ADCY9: variants seen among roughly 807,000 people sequenced by gnomAD.
ADCY9 encodes the protein adenylate cyclase 9.
In ADCY9, 50 loss-of-function variants were observed where a neutral mutation model predicts 101.5. The ratio of observed to expected loss-of-function variants is 0.49; its 90% CI spans 0.39 to 0.62. ADCY9 has a LOEUF of 0.62. ADCY9 is among the 20% of genes least tolerant of loss of function. The pLI is 0.00. For synonymous variants in ADCY9, 905 were observed against 769.3 expected (o/e 1.18, Z -2.92); for missense variants, 1,662 against 1,800.4 (o/e 0.92, Z 1.39).
In ADCY9 at chr16:4,014,939, CT is replaced by C. The variant is rs578260761; in HGVS notation, c.1694-7382del. On this transcript the variant is annotated intron_variant, in intron 2 of 10. Coordinates refer to ENST00000294016, the MANE Select transcript of ADCY9 (RefSeq NM_001116.4). ...AGTGACCACATTCCCCTGTTTTGGC[CT>C]TTTTTTTTTTTTTTTTTTTGAGACA... Among the ~76,000 whole-genome samples, 9 of 93,232 alleles carry C rather than the reference CT, an allele frequency of 9.7e-5. 1 individual carries two copies. Among genetic ancestry groups the C allele is most frequent in the South Asian group, 4.2e-4 (1 of 2,394 alleles). 61.2% of individuals were successfully genotyped at this position (93,232 alleles called of 152,430 possible).
At chr16:4,019,476 C>T (rs889876777) in intron 2 of ADCY9, among the ~76,000 whole-genome samples, 6 of 152,272 alleles carry the variant, frequency 3.9e-5, no homozygotes, top group Middle Eastern at 6.8e-3. Flanking sequence ...AAAGCAAAAC[C>T]GAGGCAGTGA....
Position 3,965,917 on chromosome 16 carries a change from G to A in ADCY9, c.3920C>T (p.Ser1307Phe), listed in dbSNP as rs752248079. 18 of 1,614,046 alleles carry A rather than the reference G, an allele frequency of 1.1e-5. No homozygotes were observed. In the African/African-American group the frequency reaches 2.0e-4, roughly 18 times the overall value. ...GGGCTCCTTCCACGGTCTCTTGGGG[G>A]ACAGGTGGGCATCCTTGGCCTGCGT... Reference protein sequence around the residue: ...SSTQAKDAHLSPKRPWKEPVK... With the variant: ...SSTQAKDAHLFPKRPWKEPVK... Residue 1307 changes from serine (S) to phenylalanine (F), a missense_variant, in exon 11 of 11, where the codon TCC becomes TTC. Ser to Phe is a radical substitution (Grantham distance 155, BLOSUM62 -2). Transcript: ENST00000294016.
At chr16:4,015,510 C>T (rs1191993168) in intron 2 of ADCY9, 2 of 152,290 alleles carry the variant, frequency 1.3e-5, no homozygotes, top group African/African-American at 4.8e-5. Context: ...CATTCATTTG[C>T]TCATTCGCTC....
In ADCY9 at chr16:4,007,537, G is replaced by C. The variant is rs375887137; in HGVS notation, c.1715C>G (p.Ser572Trp). Residue 572 changes from serine to tryptophan, a missense_variant, in exon 3 of 11, where the codon TCG becomes TGG. Transcript: ENST00000294016. ...QLKGLKTYLI[S>W]GQRAKESRCS... ...GCGAGACTCCTTGGCTCTCTGACCC[G>C]ATATCAGGTATGTCTTCAAACCTAT... 2 of 1,609,288 alleles carry C rather than the reference G, an allele frequency of 1.2e-6. No homozygotes were observed. Among genetic ancestry groups the C allele is most frequent in the South Asian group, 2.2e-5 (2 of 90,230 alleles).
chr16:3,979,474 T>A (rs56127417), intron 7 of ADCY9, among the ~76,000 whole-genome samples, 199 bp from the exon 8 acceptor site: 1,572 of 152,332 alleles, frequency 0.01, 16 homozygotes, highest in Non-Finnish European at 0.018. Flanking sequence ...CTTAGCTCAT[T>A]GTACCTGATT....
chr16:4,020,593 G>C (rs181293700), intron 2 of ADCY9, among the ~76,000 whole-genome samples: 2 of 151,942 alleles, frequency 1.3e-5, no homozygotes, highest in Non-Finnish European at 2.9e-5. Flanking sequence ...AGGCTGAGGC[G>C]GGTGGATCAC....
intron 2 of ADCY9, among the ~76,000 whole-genome samples, chr16:4,037,941 A>C (rs2056600440): frequency 6.6e-6 from 1 of 152,158 alleles, no homozygotes; most frequent in African/African-American, 2.4e-5. Flanking sequence ...ATGTCCCCCA[A>C]AATTGACGTG....
chr16:3,980,382 G>A (rs2056131068), intron 7 of ADCY9, among the ~76,000 whole-genome samples: 1 of 152,222 alleles, frequency 6.6e-6, no homozygotes, highest in Non-Finnish European at 1.5e-5. Context: ...CCTGGGCCAT[G>A]GTGGGGCCAC....
intron 2 of ADCY9, among the ~76,000 whole-genome samples, chr16:4,025,891 C>T (rs1285448078): frequency 1.3e-5 from 2 of 152,162 alleles, no homozygotes; most frequent in Non-Finnish European, 2.9e-5. Flanking sequence ...GTGTGAGATT[C>T]AGGCTGGTGT....
At chr16:4,099,238 A>G (rs934415680) in intron 2 of ADCY9, among the ~76,000 whole-genome samples, 1 of 151,900 alleles carries the variant, frequency 6.6e-6, no homozygotes, top group African/African-American at 2.4e-5. Flanking sequence ...CGGCCTTTTT[A>G]TTGTTTTTTT....
intron 2 of ADCY9, among the ~76,000 whole-genome samples, chr16:4,094,409 G>A (rs1396945708): frequency 3.3e-5 from 5 of 152,194 alleles, no homozygotes; most frequent in Admixed American, 6.5e-5. Context: ...CCCATCAGCC[G>A]TGCAAATCAC....
Position 4,064,020 on chromosome 16 carries a change from G to C in ADCY9, c.1693+49730C>G, listed in dbSNP as rs550107661. On this transcript the variant is annotated intron_variant, in intron 2 of 10. Coordinates refer to ENST00000294016, the MANE Select transcript of ADCY9 (RefSeq NM_001116.4). Reference sequence around the variant, plus strand: ...CAAGTAAAACTCTTCATATTCACTAGCTCTATATATAGAAAATCTTCAGGA... The same window carrying C: ...CAAGTAAAACTCTTCATATTCACTACCTCTATATATAGAAAATCTTCAGGA... Among the ~76,000 whole-genome samples the C allele has an allele frequency of 9.9e-5, 15 of 152,200 alleles. No homozygotes were observed. In the South Asian group the frequency reaches 3.1e-3, roughly 32 times the overall value.
At chr16:3,998,085 T>C (rs2056301952) in intron 3 of ADCY9, among the ~76,000 whole-genome samples, 1 of 151,498 alleles carries the variant, frequency 6.6e-6, no homozygotes, top group African/African-American at 2.4e-5. Context: ...CAGAGCAAGA[T>C]TCCTCAGCTA....
intron 2 of ADCY9, among the ~76,000 whole-genome samples, chr16:4,105,954 C>A (rs904578749): frequency 6.6e-6 from 1 of 152,186 alleles, no homozygotes; most frequent in Non-Finnish European, 1.5e-5. Flanking sequence ...GCATTTCACC[C>A]TGTTTCCCAG....
chr16:3,980,889 G>A (rs1384555510), intron 7 of ADCY9, among the ~76,000 whole-genome samples: 1 of 152,230 alleles, frequency 6.6e-6, no homozygotes, highest in Non-Finnish European at 1.5e-5. Flanking sequence ...ATCTGAAAAT[G>A]AGACCTCACG....
In ADCY9 at chr16:4,115,258, C is replaced by A; in HGVS notation, c.185G>T (p.Gly62Val). The A allele has an allele frequency of 1.2e-6, 2 of 1,613,364 alleles. No homozygotes were observed. Among genetic ancestry groups the A allele is most frequent in the Non-Finnish European group, 1.7e-6 (2 of 1,179,642 alleles). ...TCCGCCGCCCACTCGCCGGGGGACG[C>A]CCCCGGAGTCCCCAGAGCTGCTGCA... Reference protein sequence around the residue: ...SSCSSSGDSGGVPRRVGGGGR... With the variant: ...SSCSSSGDSGVVPRRVGGGGR... The change falls in exon 2 of 11, where the codon GGC (glycine) becomes GTC (valine). Residue 62 changes from glycine to valine, a missense_variant. Around this residue, in one of 5 missense-constraint regions of ADCY9, gnomAD observed 422 missense variants for 392.0 expected, o/e 1.08. Transcript: ENST00000294016. This position sits in a 1 kb window ranked among gnomAD's most constrained non-coding sequence, Gnocchi z 6.2.
At position 4,000,968 on chromosome 16, in the gene ADCY9, TACACAC is replaced by T. The variant is rs141254290; in HGVS notation, c.1884+6394_1884+6399del. On this transcript the variant is annotated intron_variant, in intron 3 of 10. Transcript: ENST00000294016. ...GCACATACATTTCCATCCCTCTCTC[TACACAC>T]ACACACACACACACACACACACACA... Among the ~76,000 whole-genome samples, 129 of 125,332 alleles carry T rather than the reference TACACAC, an allele frequency of 1.0e-3. 1 individual carries two copies. The highest frequency in any genetic ancestry group is 2.7e-3 in the African/African-American group (94 of 34,540). 82.2% of individuals were successfully genotyped at this position (125,332 alleles called of 152,430 possible).
At chr16:4,027,719 A>G (rs940248352) in intron 2 of ADCY9, among the ~76,000 whole-genome samples, 4 of 152,082 alleles carry the variant, frequency 2.6e-5, no homozygotes, top group Non-Finnish European at 4.4e-5. Flanking sequence ...TCTACTAGTA[A>G]AACAAAAATT....
intron 2 of ADCY9, among the ~76,000 whole-genome samples, chr16:4,072,881 C>T (rs757373782): frequency 7.9e-5 from 12 of 151,208 alleles, no homozygotes; most frequent in Non-Finnish European, 1.2e-4. Context: ...AGAATTATAG[C>T]AGACTTCTCA....
Sources: gnomAD v4.1 joint callset for allele counts (sites outside exome capture counted in the v4.1 genomes callset) on GRCh38, gnomAD v4.1.1 for gene constraint, gnomAD v4.1.1 regional missense constraint, Gnocchi (gnomAD v3.1) non-coding constraint, MANE v1.5 for transcripts, NCBI Gene and HGNC (gene_info 2026-07-23, HGNC 2026-07-21) for gene names.